The following RAB33B variants were observed in gnomAD, a reference collection of about 807,000 sequenced individuals.
RAB33B encodes RAB33B, member RAS oncogene family.
In RAB33B, 6 loss-of-function variants were observed where a neutral mutation model predicts 15.0. The observed-to-expected ratio is 0.40, with a 90% CI of 0.22 to 0.79. The LOEUF (loss-of-function observed/expected upper bound fraction) is 0.79. Among genes scored for constraint, RAB33B ranks in the 30% least tolerant of loss-of-function variants. RAB33B has a pLI of 0.37. For missense variants in RAB33B, 257 were observed against 296.4 expected, an observed-to-expected ratio of 0.87 and a Z score of 0.98; for synonymous variants, 117 against 108.3, an observed-to-expected ratio of 1.08 and a Z score of -0.50.
Position 139,472,837 on chromosome 4 carries a change from A to G in RAB33B, c.401A>G (p.Gln134Arg). 1 of 1,614,230 alleles carries G rather than the reference A, an allele frequency of 6.2e-7. No homozygotes were observed. The change falls in exon 2 of 2, where the codon CAA (glutamine) becomes CGA (arginine). Residue 134 changes from glutamine (Q) to arginine (R), a missense_variant. Coordinates refer to ENST00000305626, the MANE Select transcript of RAB33B (RefSeq NM_031296.3). ...SLPSWIEECK[Q>R]HLLANDIPRI... ...CCATCTTGGATAGAAGAATGCAAAC[A>G]ACATTTGCTAGCCAATGATATACCA...
chr4:139,454,160 C>T lies in RAB33B; in HGVS notation c.-36C>T, dbSNP rs182647425. 2,495 of 1,583,634 alleles carry T rather than the reference C, an allele frequency of 1.6e-3. 30 individuals carry two copies. The African/African-American group carries it at 0.03, about 19-fold the overall frequency. On this transcript the variant is annotated 5_prime_UTR_variant, in exon 1 of 2. Coordinates refer to ENST00000305626, the MANE Select transcript of RAB33B (RefSeq NM_031296.3). ...GTAATCTCTCAGCCTTTCTGTGTCTCCTTTCCTCCGCCTCAGTTTGGGGCG... is the reference window on the plus strand; with the variant it reads ...GTAATCTCTCAGCCTTTCTGTGTCTTCTTTCCTCCGCCTCAGTTTGGGGCG...
At position 139,458,114 on chromosome 4, in the gene RAB33B, A is replaced by C. The variant is rs1359573586; in HGVS notation, c.249+3670A>C. Among the ~76,000 whole-genome samples the C allele has an allele frequency of 1.3e-5, 2 of 152,086 alleles. 1 individual carries two copies. The highest frequency in any genetic ancestry group is 2.9e-5 in the Non-Finnish European group (2 of 68,024). ...ATCTCCCCTAACTCAAGTGCCCTTT[A>C]TATTATATTCTCCATTATGTTATAA... On this transcript the variant is annotated intron_variant, in intron 1 of 1. Coordinates refer to ENST00000305626, the MANE Select transcript of RAB33B (RefSeq NM_031296.3).
the RAB33B span, among the ~76,000 whole-genome samples, chr4:139,447,956 C>A: frequency 6.6e-6 from 1 of 151,088 alleles, no homozygotes; most frequent in African/African-American, 2.4e-5. Flanking sequence ...TGTGAGCCAC[C>A]GCGCCCGGCC....
At chr4:139,447,658 CTTTTTTTTTTTTT>C in the RAB33B span, among the ~76,000 whole-genome samples, 8 of 85,724 alleles carry the variant, frequency 9.3e-5, no homozygotes, top group African/African-American at 2.8e-4. Flanking sequence ...CAGTCTACTA[CTTTTTTTTTTTTT>C]TTTTTTTTTT....
chr4:139,443,789 A>G, the RAB33B span, among the ~76,000 whole-genome samples: 1 of 152,172 alleles, frequency 6.6e-6, no homozygotes, highest in Non-Finnish European at 1.5e-5. Context: ...AGTAGCGGCA[A>G]CATCCCCTCC....
chr4:139,459,954 G>A (rs1268082845), intron 1 of RAB33B, among the ~76,000 whole-genome samples: 3 of 152,168 alleles, frequency 2.0e-5, no homozygotes, highest in Non-Finnish European at 4.4e-5. Flanking sequence ...AAACCACATA[G>A]TAAGTACTCA....
At chr4:139,445,475 C>A in the RAB33B span, among the ~76,000 whole-genome samples, 1 of 152,202 alleles carries the variant, frequency 6.6e-6, no homozygotes. Flanking sequence ...AATTCAGGGA[C>A]CTTCTACCTC....
intron 1 of RAB33B, among the ~76,000 whole-genome samples, chr4:139,465,722 C>CTTTTTTTTT (rs375295002): frequency 1.1e-4 from 15 of 133,226 alleles, no homozygotes; most frequent in Non-Finnish European, 1.7e-4. Context: ...TCTTCTTCTT[C>CTTTTTTTTT]TTTTTTTTTT....
rs954932274 is a variant in RAB33B at position 139,473,833 on chromosome 4, C to T, written c.*707C>T. On this transcript the variant is annotated 3_prime_UTR_variant, in exon 2 of 2. Transcript: ENST00000305626. ...CCAAGAGTTCTAGATGTTTGATTTT[C>T]TAATTAATACTTATCAGATCTACAA... The T allele has an allele frequency of 6.6e-6, 1 of 150,408 alleles. No individual in the cohort carries two copies. Among genetic ancestry groups the T allele is most frequent in the Non-Finnish European group, 1.5e-5 (1 of 67,652 alleles). 9.3% of individuals were successfully genotyped at this position (150,408 alleles called of 1,614,324 possible).
chr4:139,450,749 A>C (rs1455748642), upstream of RAB33B: 1 of 152,198 alleles, frequency 6.6e-6, no homozygotes, highest in Non-Finnish European at 1.5e-5. Context: ...CTGAACTTAA[A>C]GAGTAAAATT....
intron 1 of RAB33B, among the ~76,000 whole-genome samples, chr4:139,467,525 T>C (rs1000698716): frequency 6.6e-6 from 1 of 151,690 alleles, no homozygotes; most frequent in Admixed American, 6.6e-5. Context: ...TCATGGAGAA[T>C]GGGGTATTCA....
the RAB33B span, among the ~76,000 whole-genome samples, chr4:139,440,600 A>G: frequency 6.6e-6 from 1 of 151,198 alleles, no homozygotes; most frequent in African/African-American, 2.4e-5. Context: ...CTGTGCCAAG[A>G]CTGGAAATTG....
the RAB33B span, among the ~76,000 whole-genome samples, chr4:139,440,505 C>A: frequency 3.9e-5 from 6 of 152,122 alleles, no homozygotes; most frequent in East Asian, 3.9e-4. Context: ...CCCCCTAGCT[C>A]CTACAAGCTG....
chr4:139,467,881 A>G (rs1049610915), intron 1 of RAB33B, among the ~76,000 whole-genome samples: 1 of 150,986 alleles, frequency 6.6e-6, no homozygotes, highest in African/African-American at 2.4e-5. Flanking sequence ...CAATTACATT[A>G]TTTATTTAAA....
the RAB33B span, among the ~76,000 whole-genome samples, chr4:139,441,124 G>A: frequency 1.3e-5 from 2 of 152,154 alleles, no homozygotes; most frequent in African/African-American, 4.8e-5. Flanking sequence ...TCTCCCAGTA[G>A]GCTAGCCCAG....
At position 139,475,926 on chromosome 4, in the gene RAB33B, A is replaced by G. The variant is rs2111091438; in HGVS notation, c.*2800A>G. On this transcript the variant is annotated 3_prime_UTR_variant, in exon 2 of 2. Transcript: ENST00000305626. ...CTTAGCCACAAAGAAATTGTGTTTT[A>G]TTTTCTTTGTTTGGTTACTGGGTAG... The G allele has an allele frequency of 6.6e-6, 1 of 152,166 alleles. No individual in the cohort carries two copies. The highest frequency in any genetic ancestry group is 3.4e-3 in the Middle Eastern group (1 of 294). 9.4% of individuals were successfully genotyped at this position (152,166 alleles called of 1,614,324 possible). A position where few individuals can be genotyped will look rare whatever the true frequency, so the allele number is the denominator to read the frequency against.
the RAB33B span, among the ~76,000 whole-genome samples, chr4:139,447,798 C>G: frequency 6.6e-6 from 1 of 150,524 alleles, no homozygotes; most frequent in Non-Finnish European, 1.5e-5. Context: ...TCCCAAGTAG[C>G]TGGGACTACA....
chr4:139,472,240 A>G (rs918263115), intron 1 of RAB33B, among the ~76,000 whole-genome samples: 5 of 152,154 alleles, frequency 3.3e-5, no homozygotes, highest in Admixed American at 3.3e-4. Context: ...ATACATGTAT[A>G]TGTTTGTTTG....
intron 1 of RAB33B, among the ~76,000 whole-genome samples, chr4:139,457,832 G>C (rs12645911): frequency 0.2 from 30,915 of 152,064 alleles, 3,483 homozygotes; most frequent in Non-Finnish European, 0.26. Context: ...AATTCACCTA[G>C]GTTGTACTAC....
Sources: allele counts gnomAD v4.1 joint callset (sites outside exome capture counted in the v4.1 genomes callset), GRCh38; gene constraint gnomAD v4.1.1; transcripts MANE v1.5; gene names NCBI Gene and HGNC (gene_info 2026-07-23, HGNC 2026-07-21).